Variants in NDUFA10 observed in about 807,000 individuals in gnomAD.
NDUFA10 encodes NADH dehydrogenase [ubiquinone] 1 alpha subcomplex subunit 10, mitochondrial.
NDUFA10 carries 40 observed loss-of-function variants against 47.8 expected under a neutral mutation model. That is an observed-to-expected ratio of 0.84 (90% confidence interval 0.65 to 1.09). The LOEUF (loss-of-function observed/expected upper bound fraction) is 1.09. Among genes scored for constraint, NDUFA10 ranks in the 50% least tolerant of loss-of-function variants. The pLI is 0.00. For synonymous variants in NDUFA10, 183 were observed against 172.2 expected (o/e 1.06, Z -0.49); for missense variants, 413 against 451.1 (o/e 0.92, Z 0.76).
At chr2:239,913,528 G>A (rs1026317817) in intron 4 of NDUFA10, among the ~76,000 whole-genome samples, 8 of 152,168 alleles carry the variant, frequency 5.3e-5, no homozygotes, top group Non-Finnish European at 1.0e-4. Context: ...ACGCCTCCAC[G>A]TGATTCTCCC....
At chr2:239,940,157 GC>G (rs1694338246) in intron 4 of NDUFA10, among the ~76,000 whole-genome samples, 1 of 152,226 alleles carries the variant, frequency 6.6e-6, no homozygotes, top group Non-Finnish European at 1.5e-5. Flanking sequence ...AGGCCATACA[GC>G]CTCTGTTACA....
chr2:240,025,052 G>C (rs1697799089), intron 1 of NDUFA10, among the ~76,000 whole-genome samples, 175 bp downstream of exon 1: 1 of 152,202 alleles, frequency 6.6e-6, no homozygotes, highest in African/African-American at 2.4e-5. Flanking sequence ...GCCCCCTGAG[G>C]TCTGTCCACG....
chr2:240,025,164 T>TA, intron 1 of NDUFA10, 63 bp downstream of exon 1: 6 of 594,912 alleles, frequency 1.0e-5, no homozygotes, highest in East Asian at 3.4e-5. Context: ...GTGGAACTGC[T>TA]CCCCACCCCG....
At chr2:239,915,419 CAG>C (rs1693845659) in intron 4 of NDUFA10, among the ~76,000 whole-genome samples, 5 of 60,588 alleles carry the variant, frequency 8.3e-5, no homozygotes, top group East Asian at 3.9e-4. Flanking sequence ...CACACATACA[CAG>C]ACACAAATAT....
At chr2:240,008,978 C>T (rs999330770) in intron 6 of NDUFA10, among the ~76,000 whole-genome samples, 7 of 152,198 alleles carry the variant, frequency 4.6e-5, no homozygotes, top group African/African-American at 1.7e-4. Flanking sequence ...AAGAAGGTAT[C>T]AAGTGTGGAG....
At chr2:239,976,200 C>A (rs1017716636) in intron 9 of NDUFA10, among the ~76,000 whole-genome samples, 2 of 152,182 alleles carry the variant, frequency 1.3e-5, no homozygotes, top group Non-Finnish European at 2.9e-5. Flanking sequence ...TGCCCTCTGA[C>A]TCTGCTATAT....
downstream of NDUFA10, among the ~76,000 whole-genome samples, chr2:239,957,099 C>T (rs1358274075): frequency 6.6e-6 from 1 of 152,226 alleles, no homozygotes; most frequent in Non-Finnish European, 1.5e-5. Flanking sequence ...TCAGACACCC[C>T]CCTCCACTGC....
intron 6 of NDUFA10, 70 bp from the exon 7 acceptor site, chr2:240,007,440 CA>C: frequency 9.3e-7 from 1 of 1,074,084 alleles, no homozygotes; most frequent in East Asian, 2.4e-5. Flanking sequence ...CAAATGAATA[CA>C]TACCGCTAAA....
intron 9 of NDUFA10, among the ~76,000 whole-genome samples, chr2:239,964,226 G>A (rs548165339): frequency 6.6e-6 from 1 of 152,288 alleles, no homozygotes; most frequent in Admixed American, 6.5e-5. Flanking sequence ...AGATCATCTG[G>A]GTTATCTGGG....
At chr2:239,925,211 A>G (rs552011945) in intron 4 of NDUFA10, among the ~76,000 whole-genome samples, 1 of 152,324 alleles carries the variant, frequency 6.6e-6, no homozygotes, top group Non-Finnish European at 1.5e-5. Flanking sequence ...ATGGAAAGGA[A>G]AATAAACTAG....
intron 4 of NDUFA10, among the ~76,000 whole-genome samples, chr2:239,903,423 G>T (rs1693590229): frequency 1.3e-5 from 2 of 152,314 alleles, no homozygotes; most frequent in Non-Finnish European, 2.9e-5. Flanking sequence ...TGGACAGAAT[G>T]ATCCCACAGT....
intron 9 of NDUFA10, among the ~76,000 whole-genome samples, chr2:239,980,172 A>G (rs901470055): frequency 5.3e-5 from 8 of 152,156 alleles, no homozygotes; most frequent in African/African-American, 1.9e-4. Flanking sequence ...GCATGAGGGC[A>G]GGGCTTGGCT....
In NDUFA10 at chr2:239,961,190, T is replaced by A. The variant is rs200417417; in HGVS notation, c.1000-4A>T. The A allele has an allele frequency of 1.2e-6, 2 of 1,613,730 alleles. No individual in the cohort carries two copies. On this transcript the variant is annotated splice_polypyrimidine_tract_variant and splice_region_variant and intron_variant, in intron 9 of 9. Transcript: ENST00000252711. Reference sequence around the variant, plus strand: ...GGCTGTACTTGCGGCCCGGCAGCTGTGGGGGAAAAAGGCATTGGTGCATTC... The same window carrying A: ...GGCTGTACTTGCGGCCCGGCAGCTGAGGGGGAAAAAGGCATTGGTGCATTC...
At chr2:239,904,961 TC>T (rs775383779) in intron 4 of NDUFA10, among the ~76,000 whole-genome samples, 18 of 152,224 alleles carry the variant, frequency 1.2e-4, no homozygotes, top group Non-Finnish European at 1.8e-4. Flanking sequence ...CTTCTGCTCT[TC>T]CGCCTCTTAT....
chr2:239,998,669 G>A (rs999729546), intron 8 of NDUFA10, among the ~76,000 whole-genome samples: 5 of 152,180 alleles, frequency 3.3e-5, no homozygotes, highest in African/African-American at 9.7e-5. Context: ...GAGTAGTTGC[G>A]AAGCAGAGGA....
intron 4 of NDUFA10, among the ~76,000 whole-genome samples, chr2:239,927,992 G>A (rs1694093748): frequency 6.6e-6 from 1 of 152,166 alleles, no homozygotes; most frequent in Admixed American, 6.5e-5. Context: ...TCTTGTGCAT[G>A]TGTAGTCATC....
At chr2:239,967,712 C>T (rs188083424) in intron 9 of NDUFA10, among the ~76,000 whole-genome samples, 1 of 152,270 alleles carries the variant, frequency 6.6e-6, no homozygotes, top group Admixed American at 6.5e-5. Flanking sequence ...CAGGTGAGGT[C>T]GCAGAGGCAG....
At chr2:239,944,734 G>T (rs918906382) in intron 4 of NDUFA10, among the ~76,000 whole-genome samples, 2 of 152,166 alleles carry the variant, frequency 1.3e-5, no homozygotes, top group Non-Finnish European at 2.9e-5. Context: ...TGGTCCCAGG[G>T]CCTCTGCTCG....
chr2:239,999,005 A>G (rs1487587516), intron 8 of NDUFA10, among the ~76,000 whole-genome samples: 1 of 152,178 alleles, frequency 6.6e-6, no homozygotes, highest in Non-Finnish European at 1.5e-5. Context: ...GCACCAGGTA[A>G]GGACCACATG....
Sources: allele counts gnomAD v4.1 joint callset (sites outside exome capture counted in the v4.1 genomes callset), GRCh38; gene constraint gnomAD v4.1.1; transcripts MANE v1.5; gene names NCBI Gene and HGNC (gene_info 2026-07-23, HGNC 2026-07-21).